FREM1: variants seen among roughly 807,000 people sequenced by gnomAD.
FREM1 encodes FRAS1 related extracellular matrix 1, also known as FRAS1-related extracellular matrix protein 1.
A neutral mutation model predicts 210.1 loss-of-function variants in FREM1; 220 were observed. The observed-to-expected ratio is 1.05, with a 90% CI of 0.94 to 1.17. FREM1 has a LOEUF of 1.17. Among genes scored for constraint, FREM1 ranks in the 50% most tolerant of loss-of-function variants. FREM1 has a pLI of 0.00. For synonymous variants in FREM1, 1,189 were observed against 980.2 expected, an observed-to-expected ratio of 1.21 and a Z score of -3.98; for missense variants, 3,454 against 2,675.5, an observed-to-expected ratio of 1.29 and a Z score of -6.42.
chr9:14,908,027 G>C lies in FREM1; in HGVS notation c.-268+1887C>G, dbSNP rs1818081247. 6.6e-5 allele frequency among the ~76,000 whole-genome samples: 10 copies of C among 152,278 alleles called. No individual in the cohort carries two copies. In the South Asian group the frequency reaches 2.1e-3, roughly 32 times the overall value. On this transcript the variant is annotated intron_variant, in intron 1 of 36. Transcript: ENST00000380880. ...TCTGAAATCCTTAAAAACTATCACA[G>C]AGCCTGGCATGTAGCAGGTGCACCT... is the stretch of plus-strand genomic sequence containing the variant.
rs117939007 is a variant in FREM1 at position 14,908,642 on chromosome 9, G to A, written c.-268+1272C>T. Reference sequence around the variant, plus strand: ...AAAACCATGTTGCACATTAAGTTATGCTCAACAACAGCTCAAACTCAGGTT... The same window carrying A: ...AAAACCATGTTGCACATTAAGTTATACTCAACAACAGCTCAAACTCAGGTT... On this transcript the variant is annotated intron_variant, in intron 1 of 36. Coordinates refer to ENST00000380880, the MANE Select transcript of FREM1 (RefSeq NM_001379081.2). 4.1e-3 allele frequency among the ~76,000 whole-genome samples: 619 copies of A among 152,262 alleles called. 9 individuals carry two copies. Among genetic ancestry groups the A allele is most frequent in the Non-Finnish European group, 2.3e-3 (154 of 68,030 alleles).
At chr9:14,782,206 C>T (rs1381846209) in intron 24 of FREM1, 20 of 269,806 alleles carry the variant, frequency 7.4e-5, no homozygotes, top group South Asian at 1.4e-4. Flanking sequence ...TTCTCTCTGG[C>T]AATTATCTGA....
intron 2 of FREM1, among the ~76,000 whole-genome samples, chr9:14,867,791 C>G (rs1004180593): frequency 1.3e-5 from 2 of 152,092 alleles, no homozygotes; most frequent in Non-Finnish European, 2.9e-5. Context: ...TGAATATTCT[C>G]AAGATTGTTT....
chr9:14,824,760 T>C, intron 11 of FREM1, 36 bp downstream of exon 11: 2 of 1,494,760 alleles, frequency 1.3e-6, no homozygotes, highest in Non-Finnish European at 1.8e-6. Flanking sequence ...TTTGCAATCC[T>C]AGAACTAGTA....
intron 18 of FREM1, among the ~76,000 whole-genome samples, chr9:14,806,237 C>G (rs545117026): frequency 6.7e-6 from 1 of 149,314 alleles, no homozygotes; most frequent in African/African-American, 2.5e-5. Context: ...TCATTGAATA[C>G]ATATGGTGCT....
At position 14,812,986 on chromosome 9, in the gene FREM1, C is replaced by T. The variant is rs765885090; in HGVS notation, c.2719G>A (p.Val907Met). Residue 907 changes from valine to methionine, a missense_variant, in exon 16 of 37, where the codon GTG (valine) becomes ATG (methionine). Val to Met is a conservative substitution (Grantham distance 21). Coordinates refer to ENST00000380880, the MANE Select transcript of FREM1 (RefSeq NM_001379081.2). ...AAAATGTATTCAGAGGTGATGACCA[C>T]CTCTCCTCCCTCTGAGCAATTCATG... ...PVMNCSEGGEVVITSEYIFAT... is the reference protein window; with the variant it reads ...PVMNCSEGGEMVITSEYIFAT... 1 of 1,613,916 alleles carries T rather than the reference C, an allele frequency of 6.2e-7. No individual in the cohort carries two copies. Among genetic ancestry groups the T allele is most frequent in the East Asian group, 2.2e-5 (1 of 44,886 alleles).
At chr9:14,756,545 A>C in intron 28 of FREM1, 99 bp from the exon 29 acceptor site, 1 of 812,960 alleles carries the variant, frequency 1.2e-6, no homozygotes, top group Non-Finnish European at 1.9e-6. Context: ...CATGCTCTTA[A>C]ATCTGTTTTT....
rs575012397 is a variant in FREM1 at position 14,813,082 on chromosome 9, T to C, written c.2641-18A>G. The C allele has an allele frequency of 5.0e-6, 8 of 1,584,814 alleles. No individual in the cohort carries two copies. In the East Asian group the frequency reaches 6.8e-5, roughly 13 times the overall value. On this transcript the variant is annotated intron_variant, in intron 15 of 36. Coordinates refer to ENST00000380880, the MANE Select transcript of FREM1 (RefSeq NM_001379081.2). ...GGGAATACCTAGGCAATGGAAAAAA[T>C]GCATGTTTTCAGAAAAAGAAAGAAA...
In FREM1 at chr9:14,910,084, G is replaced by A. The variant is rs1012514263; in HGVS notation, c.-438C>T. 2.0e-5 allele frequency: 3 copies of A among 152,230 alleles called. No homozygotes were observed. The highest frequency in any genetic ancestry group is 4.4e-5 in the Non-Finnish European group (3 of 68,068). The allele number at this position is 152,230 out of a possible 1,614,324, so 9.4% of individuals were successfully genotyped here. ...AATTCCAGTCTTTCAGGTCAGCTGT[G>A]TTTGAGATTTCTTTTTACTAAAAAT... On this transcript the variant is annotated 5_prime_UTR_variant, in exon 1 of 37. Coordinates refer to ENST00000380880, the MANE Select transcript of FREM1 (RefSeq NM_001379081.2).
Position 14,841,538 on chromosome 9 carries a change from T to G in FREM1, c.1790A>C (p.Tyr597Ser). Residue 597 changes from tyrosine (Y) to serine (S), a missense_variant, in exon 10 of 37, where the codon TAT (tyrosine) becomes TCT (serine). Tyr to Ser is a moderately radical substitution (Grantham distance 144, BLOSUM62 -2). Coordinates refer to ENST00000380880, the MANE Select transcript of FREM1 (RefSeq NM_001379081.2). The part of the protein sequence containing the change: ...LQRDLFNGII[Y>S]YRHFGGEIFE... ...GATTTCTCCACCAAAATGACGATAA[T>G]AAATGATTCCATTAAACAAATCCCT... 6.2e-7 allele frequency: 1 copy of G among 1,612,214 alleles called. No individual in the cohort carries two copies. The highest frequency in any genetic ancestry group is 8.5e-7 in the Non-Finnish European group (1 of 1,178,618).
chr9:14,752,273 G>A (rs934667699), intron 29 of FREM1, among the ~76,000 whole-genome samples: 1 of 151,932 alleles, frequency 6.6e-6, no homozygotes, highest in Admixed American at 6.6e-5. Flanking sequence ...ATATAAATGT[G>A]GGCTTTAGAA....
chr9:14,792,100 C>T (rs1851469203), intron 22 of FREM1, among the ~76,000 whole-genome samples: 1 of 152,064 alleles, frequency 6.6e-6, no homozygotes, highest in South Asian at 2.1e-4. Flanking sequence ...ACCTTGGCCT[C>T]CCAAAGTGCT....
intron 1 of FREM1, among the ~76,000 whole-genome samples, chr9:14,907,281 G>T (rs1308415048): frequency 6.6e-6 from 1 of 152,104 alleles, no homozygotes; most frequent in Non-Finnish European, 1.5e-5. Flanking sequence ...CTTTGAAATG[G>T]TGCCCCAGTC....
In FREM1 at chr9:14,802,106, T is replaced by C. The variant is rs554700388; in HGVS notation, c.3472-232A>G. Among the ~76,000 whole-genome samples, 10 of 152,332 alleles carry C rather than the reference T, an allele frequency of 6.6e-5. 1 individual carries two copies. In the South Asian group the frequency reaches 2.1e-3, roughly 32 times the overall value. On this transcript the variant is annotated intron_variant, in intron 19 of 36. Transcript: ENST00000380880. Reference sequence around the variant, plus strand: ...GAAGATTTCAAAGCACTTTATTCATTTCCATGAAGGACAAAGGACATATAA... The same window carrying C: ...GAAGATTTCAAAGCACTTTATTCATCTCCATGAAGGACAAAGGACATATAA...
chr9:14,835,600 T>C (rs1824417532), intron 10 of FREM1, among the ~76,000 whole-genome samples: 1 of 152,196 alleles, frequency 6.6e-6, no homozygotes, highest in Non-Finnish European at 1.5e-5. Flanking sequence ...TGAGTTTATC[T>C]TGGGACCTCA....
At chr9:14,773,100 AT>A (rs970144118) in intron 25 of FREM1, among the ~76,000 whole-genome samples, 1 of 151,802 alleles carries the variant, frequency 6.6e-6, no homozygotes, top group Non-Finnish European at 1.5e-5. Flanking sequence ...GGGTTGCAAG[AT>A]TTTTTTTTAA....
Position 14,808,138 on chromosome 9 carries a change from G to T in FREM1, c.2894-4C>A. On this transcript the variant is annotated splice_region_variant and splice_polypyrimidine_tract_variant and intron_variant, in intron 16 of 36. Transcript: ENST00000380880. The stretch of plus-strand genomic sequence containing the variant: ...GGCATCAGGCCAATCTCGCCACCTG[G>T]AAGACACAACTATAGCTGAAACCTG... 6.3e-7 allele frequency: 1 copy of T among 1,576,752 alleles called. No homozygotes were observed. Among genetic ancestry groups the T allele is most frequent in the Non-Finnish European group, 8.6e-7 (1 of 1,159,842 alleles).
At chr9:14,824,495 C>T (rs1440289209) in intron 11 of FREM1, among the ~76,000 whole-genome samples, 1 of 152,124 alleles carries the variant, frequency 6.6e-6, no homozygotes, top group African/African-American at 2.4e-5. Flanking sequence ...TTAGGAAGAC[C>T]TCAATAAATT....
rs1336006250 is a variant in FREM1 at position 14,792,299 on chromosome 9, CACACAGAG to C, written c.3981+436_3981+443del. Among the ~76,000 whole-genome samples, 177 of 146,814 alleles carry C rather than the reference CACACAGAG, an allele frequency of 1.2e-3. 2 individuals are homozygous for C. The highest frequency in any genetic ancestry group is 4.3e-3 in the African/African-American group (173 of 39,856). ...ACACACACACACACACACACACACACACACAGAGAGAGAGAGAGATTGAGAGAACAAGA... is the reference window on the plus strand; with the variant it reads ...ACACACACACACACACACACACACACAGAGAGAGAGATTGAGAGAACAAGA... On this transcript the variant is annotated intron_variant, in intron 22 of 36. Transcript: ENST00000380880.
Sources: gnomAD v4.1 joint callset for allele counts (sites outside exome capture counted in the v4.1 genomes callset) on GRCh38, gnomAD v4.1.1 for gene constraint, MANE v1.5 for transcripts, NCBI Gene and HGNC (gene_info 2026-07-23, HGNC 2026-07-21) for gene names.